Variants in SEL1L2 observed in about 807,000 individuals in gnomAD.
SEL1L2 encodes SEL1L2 adaptor subunit of SYVN1 ubiquitin ligase.
Under a neutral mutation model 98.8 loss-of-function variants are expected in SEL1L2, and 89 were observed. That is an observed-to-expected ratio of 0.90 (90% CI 0.76 to 1.07). The LOEUF is 1.07. SEL1L2 is among the 50% of genes least tolerant of loss of function. SEL1L2 has a pLI of 0.00. For missense variants in SEL1L2, 788 were observed against 812.0 expected (o/e 0.97, Z 0.36); for synonymous variants, 262 against 278.5 (o/e 0.94, Z 0.59).
At position 13,948,219 on chromosome 20, in the gene SEL1L2, T is replaced by C. The variant is rs1354300672; in HGVS notation, c.114+7857A>G. On this transcript the variant is annotated intron_variant, in intron 2 of 19. Transcript: ENST00000284951. ...ATCTATAGATTTAATGCAATCCCTA[T>C]AAAAATCCCAATGGCTTTTTTTTTT... Among the ~76,000 whole-genome samples, 3 of 151,750 alleles carry C rather than the reference T, an allele frequency of 2.0e-5. No homozygotes were observed. In the East Asian group the frequency reaches 5.8e-4, roughly 29 times the overall value.
At chr20:13,868,534 C>A (rs912687092) in intron 14 of SEL1L2, among the ~76,000 whole-genome samples, 3 of 152,108 alleles carry the variant, frequency 2.0e-5, no homozygotes, top group Non-Finnish European at 2.9e-5. Flanking sequence ...GCGGCTTCCA[C>A]CCCAAGCAGT....
intron 1 of SEL1L2, among the ~76,000 whole-genome samples, chr20:13,971,833 A>G (rs1221908454): frequency 6.6e-6 from 1 of 152,156 alleles, no homozygotes; most frequent in African/African-American, 2.4e-5. Context: ...GTCACTAGCA[A>G]TCATTACAAT....
At chr20:13,857,491 G>C (rs922077744) in intron 18 of SEL1L2, among the ~76,000 whole-genome samples, 4 of 152,258 alleles carry the variant, frequency 2.6e-5, no homozygotes, top group Admixed American at 6.5e-5. Context: ...CTGGCCAGCA[G>C]TGTGCCTTTC....
intron 5 of SEL1L2, among the ~76,000 whole-genome samples, chr20:13,898,709 A>G (rs1268993295): frequency 1.3e-5 from 2 of 151,978 alleles, no homozygotes; most frequent in Non-Finnish European, 2.9e-5. Context: ...GGCCCTGTTT[A>G]GCACCTTTTA....
intron 1 of SEL1L2, among the ~76,000 whole-genome samples, chr20:13,963,441 G>A (rs1248265311): frequency 6.6e-6 from 1 of 150,720 alleles, no homozygotes; most frequent in East Asian, 1.9e-4. Flanking sequence ...AATAGGCCAG[G>A]TGCGGTGGCT....
chr20:13,994,107 C>T (rs1412868153), upstream of SEL1L2, among the ~76,000 whole-genome samples: 1 of 151,864 alleles, frequency 6.6e-6, no homozygotes, highest in East Asian at 1.9e-4. Flanking sequence ...CCAGCCTGGC[C>T]AACACGGTGA....
At chr20:13,964,424 G>T (rs2050936218) in intron 1 of SEL1L2, among the ~76,000 whole-genome samples, 1 of 133,892 alleles carries the variant, frequency 7.5e-6, no homozygotes, top group African/African-American at 2.7e-5. Context: ...TGTGTGGTGT[G>T]CTCTGCTATC....
intron 2 of SEL1L2, among the ~76,000 whole-genome samples, chr20:13,953,398 C>G (rs1256409834): frequency 6.6e-6 from 1 of 152,198 alleles, no homozygotes; most frequent in African/African-American, 2.4e-5. Context: ...TCTGAGGGAG[C>G]TCCAATGCCA....
At chr20:13,969,179 G>A (rs1163291275) in intron 1 of SEL1L2, among the ~76,000 whole-genome samples, 1 of 152,184 alleles carries the variant, frequency 6.6e-6, no homozygotes, top group Admixed American at 6.5e-5. Flanking sequence ...GCTGAAATAT[G>A]ATTAAATAGG....
chr20:13,933,400 T>C (rs2049247046), intron 2 of SEL1L2, among the ~76,000 whole-genome samples: 1 of 152,170 alleles, frequency 6.6e-6, no homozygotes, highest in South Asian at 2.1e-4. Flanking sequence ...ACAAATCCTT[T>C]AGCTATCACC....
rs532900238 is a variant in SEL1L2 at position 13,918,174 on chromosome 20, A to G, written c.386+847T>C. Among the ~76,000 whole-genome samples, 43 of 152,278 alleles carry G rather than the reference A, an allele frequency of 2.8e-4. No individual in the cohort carries two copies. The South Asian group carries it at 4.4e-3, about 15-fold the overall frequency. On this transcript the variant is annotated intron_variant, in intron 4 of 19. Coordinates refer to ENST00000284951, the MANE Select transcript of SEL1L2 (RefSeq NM_025229.2). ...TTCAACTTAGCAGTTAGGGGACTCA[A>G]GATAAAACTAACACACCTGTATTTC...
chr20:13,915,890 C>T (rs2048380095), intron 4 of SEL1L2, among the ~76,000 whole-genome samples: 1 of 152,122 alleles, frequency 6.6e-6, no homozygotes, highest in Admixed American at 6.6e-5. Flanking sequence ...CAGGGTCTGG[C>T]ATTGGACGCT....
chr20:13,979,648 G>C lies in SEL1L2; in HGVS notation c.58+10829C>G, dbSNP rs530065226. Among the ~76,000 whole-genome samples, 88 of 152,122 alleles carry C rather than the reference G, an allele frequency of 5.8e-4. 2 individuals are homozygous for C. In the South Asian group the frequency reaches 0.01, roughly 18 times the overall value. ...AATCTCTGTGTTGGGCTACATATTG[G>C]CACAATGGAAGAAAATTTAATCTAG... On this transcript the variant is annotated intron_variant, in intron 1 of 19. Transcript: ENST00000284951.
chr20:13,876,149 C>A, intron 11 of SEL1L2, 34 bp from the exon 12 acceptor site: 1 of 1,470,802 alleles, frequency 6.8e-7, no homozygotes, highest in Non-Finnish European at 9.5e-7. Flanking sequence ...ATAGAAAAAA[C>A]AAAATAATTT....
At chr20:13,952,898 G>T (rs892785048) in intron 2 of SEL1L2, among the ~76,000 whole-genome samples, 1 of 152,286 alleles carries the variant, frequency 6.6e-6, no homozygotes, top group East Asian at 1.9e-4. Flanking sequence ...GTGTGGTGGC[G>T]TGTGCCTGTA....
At chr20:13,903,827 G>C (rs945146420) in intron 5 of SEL1L2, among the ~76,000 whole-genome samples, 1 of 151,796 alleles carries the variant, frequency 6.6e-6, no homozygotes, top group African/African-American at 2.4e-5. Context: ...GAAAAAAAAA[G>C]TATTTGAAGC....
intron 1 of SEL1L2, among the ~76,000 whole-genome samples, chr20:13,963,577 G>A (rs1341346244): frequency 4.0e-5 from 6 of 151,748 alleles, no homozygotes; most frequent in African/African-American, 7.3e-5. Flanking sequence ...TTAGGCAGGC[G>A]TAGTGGCATA....
chr20:13,959,664 C>T (rs2148461729), intron 1 of SEL1L2, among the ~76,000 whole-genome samples: 1 of 152,304 alleles, frequency 6.6e-6, no homozygotes, highest in East Asian at 1.9e-4. Context: ...AGGGAAAATG[C>T]CTCTACAACC....
chr20:13,947,400 G>A (rs1418025657), intron 2 of SEL1L2, among the ~76,000 whole-genome samples: 1 of 152,100 alleles, frequency 6.6e-6, no homozygotes, highest in Non-Finnish European at 1.5e-5. Flanking sequence ...CTCATCTCCA[G>A]TAAGAGCTGT....
Sources: gnomAD v4.1 joint callset for allele counts (sites outside exome capture counted in the v4.1 genomes callset) on GRCh38, gnomAD v4.1.1 for gene constraint, MANE v1.5 for transcripts, NCBI Gene and HGNC (gene_info 2026-07-23, HGNC 2026-07-21) for gene names.